Variants in EPHA3 observed in about 807,000 individuals in gnomAD.
EPHA3 encodes the protein EPH receptor A3, also known as ephrin type-A receptor 3.
EPHA3 carries 42 observed loss-of-function variants against 107.1 expected under a neutral mutation model. The observed-to-expected ratio is 0.39, with a 90% CI of 0.31 to 0.51. The LOEUF is 0.51. Among genes scored for constraint, EPHA3 ranks in the 20% least tolerant of loss-of-function variants. EPHA3 has a pLI of 0.78. For missense variants in EPHA3, 1,183 were observed against 1,211.2 expected, an observed-to-expected ratio of 0.98 and a Z score of 0.35; for synonymous variants, 461 against 424.8, an observed-to-expected ratio of 1.09 and a Z score of -1.05.
In EPHA3 at chr3:89,371,743, A is replaced by C. The variant is rs1165953869; in HGVS notation, c.1307-24094A>C. Among the ~76,000 whole-genome samples the C allele has an allele frequency of 5.3e-5, 8 of 150,070 alleles. No homozygotes were observed. The South Asian group carries it at 8.4e-4, about 16-fold the overall frequency. ...ACATACACACACACACACACACACA[A>C]CACACACACACATATGTGTATGACT... On this transcript the variant is annotated intron_variant, in intron 5 of 16. Coordinates refer to ENST00000336596, the MANE Select transcript of EPHA3 (RefSeq NM_005233.6).
intron 3 of EPHA3, among the ~76,000 whole-genome samples, chr3:89,217,204 T>A (rs931715023): frequency 6.6e-6 from 1 of 152,162 alleles, no homozygotes; most frequent in Non-Finnish European, 1.5e-5. Flanking sequence ...TAAAGAAGTA[T>A]AAGTGTTGAT....
rs758307339 is a variant in EPHA3 at position 89,391,421 on chromosome 3, C to CTTT, written c.1307-4401_1307-4399dup. Among the ~76,000 whole-genome samples, 619 of 115,974 alleles carry CTTT rather than the reference C, an allele frequency of 5.3e-3. 34 individuals are homozygous for CTTT. Among genetic ancestry groups the CTTT allele is most frequent in the African/African-American group, 0.02 (579 of 28,514 alleles). 76.1% of individuals were successfully genotyped at this position (115,974 alleles called of 152,430 possible). On this transcript the variant is annotated intron_variant, in intron 5 of 16. Coordinates refer to ENST00000336596, the MANE Select transcript of EPHA3 (RefSeq NM_005233.6). The stretch of plus-strand genomic sequence containing the variant: ...TCTTTTCTTTTCTTTTCTTTCTTTT[C>CTTT]TTTTTTTTTTTTTTTTTGAGATGGA...
At chr3:89,346,038 T>C (rs1457495889) in intron 5 of EPHA3, among the ~76,000 whole-genome samples, 2 of 140,306 alleles carry the variant, frequency 1.4e-5, no homozygotes, top group African/African-American at 2.7e-5. Context: ...TTGGGTTGGT[T>C]CCAAGTCTTT....
Position 89,289,429 on chromosome 3 carries a change from G to GA in EPHA3, c.815-51479dup, listed in dbSNP as rs1270844308. Among the ~76,000 whole-genome samples the GA allele has an allele frequency of 5.9e-5, 9 of 151,546 alleles. No individual in the cohort carries two copies. In the East Asian group the frequency reaches 9.7e-4, roughly 16 times the overall value. On this transcript the variant is annotated intron_variant, in intron 3 of 16. Coordinates refer to ENST00000336596, the MANE Select transcript of EPHA3 (RefSeq NM_005233.6). ...ACTCCTGGGGGTGTTCTATGAAAAT[G>GA]AAAAAAAATTATATGTAGTATATTA...
intron 2 of EPHA3, among the ~76,000 whole-genome samples, chr3:89,147,694 A>T (rs1429436743): frequency 6.6e-6 from 1 of 151,952 alleles, no homozygotes; most frequent in Non-Finnish European, 1.5e-5. Flanking sequence ...CTGTATTTAC[A>T]TTTAACCTGA....
chr3:89,208,486 A>AAGAAAG (rs765304080), intron 2 of EPHA3, among the ~76,000 whole-genome samples: 1 of 125,840 alleles, frequency 7.9e-6, no homozygotes, highest in African/African-American at 3.0e-5. Flanking sequence ...AAGAAAGAGA[A>AAGAAAG]AAAGAAAGGA....
At chr3:89,380,566 T>G (rs115316867) in intron 5 of EPHA3, among the ~76,000 whole-genome samples, 2,430 of 152,228 alleles carry the variant, frequency 0.016, 67 homozygotes, top group African/African-American at 0.055. Context: ...TAAACAACAT[T>G]GTTTATTTTG....
chr3:89,198,934 C>A (rs190318157), intron 2 of EPHA3, among the ~76,000 whole-genome samples: 2,125 of 152,214 alleles, frequency 0.014, 40 homozygotes, highest in African/African-American at 0.045. Context: ...ACAAGTTAAG[C>A]CAATGTGCAT....
intron 3 of EPHA3, among the ~76,000 whole-genome samples, chr3:89,274,492 A>G (rs1705757467): frequency 6.6e-6 from 1 of 152,004 alleles, no homozygotes. Context: ...ACTTTGTCTA[A>G]TGATCTGTGT....
At chr3:89,208,355 A>G (rs1335155682) in intron 2 of EPHA3, among the ~76,000 whole-genome samples, 2 of 136,518 alleles carry the variant, frequency 1.5e-5, no homozygotes, top group Non-Finnish European at 3.1e-5. Flanking sequence ...GGGCGACAGG[A>G]GCAAGACTCT....
At chr3:89,448,368 G>A (rs1709920418) in intron 13 of EPHA3, among the ~76,000 whole-genome samples, 2 of 152,082 alleles carry the variant, frequency 1.3e-5, no homozygotes, top group Admixed American at 6.6e-5. Context: ...TATTACTCCT[G>A]TTTGCCTGAC....
chr3:89,124,205 G>T (rs576319431), intron 1 of EPHA3, among the ~76,000 whole-genome samples: 3 of 152,172 alleles, frequency 2.0e-5, no homozygotes, highest in Non-Finnish European at 4.4e-5. Flanking sequence ...TTAGAGAGGG[G>T]ACAGCATTAT....
At chr3:89,467,530 T>G (rs1188172931) in intron 15 of EPHA3, among the ~76,000 whole-genome samples, 2 of 152,168 alleles carry the variant, frequency 1.3e-5, no homozygotes, top group Admixed American at 6.5e-5. Context: ...TAACTAGAGA[T>G]TCAGAATTCT....
intron 14 of EPHA3, 53 bp downstream of exon 14, chr3:89,449,427 G>T: frequency 3.5e-6 from 5 of 1,444,510 alleles, no homozygotes; most frequent in Non-Finnish European, 4.6e-6. Context: ...ATCAAGCTGT[G>T]CAAGGAAGTG....
At chr3:89,373,741 AT>A (rs199878313) in intron 5 of EPHA3, among the ~76,000 whole-genome samples, 1,659 of 151,972 alleles carry the variant, frequency 0.011, 27 homozygotes, top group African/African-American at 0.038. Flanking sequence ...GGAAAGATCT[AT>A]TCAGAGATGT....
intron 3 of EPHA3, among the ~76,000 whole-genome samples, chr3:89,227,518 G>T (rs1704529507): frequency 1.3e-5 from 2 of 151,932 alleles, no homozygotes; most frequent in South Asian, 4.1e-4. Context: ...ATTTAAGTCG[G>T]TGTTTAACAC....
intron 2 of EPHA3, among the ~76,000 whole-genome samples, chr3:89,189,960 G>A (rs941662842): frequency 2.0e-5 from 3 of 152,150 alleles, no homozygotes; most frequent in South Asian, 2.1e-4. Flanking sequence ...TCATTTGGAA[G>A]TATAATTTCA....
intron 2 of EPHA3, among the ~76,000 whole-genome samples, chr3:89,199,168 A>AT (rs1003131952): frequency 3.7e-4 from 57 of 152,148 alleles, no homozygotes; most frequent in Admixed American, 1.2e-3. Flanking sequence ...TCAACAGTGT[A>AT]TTTTTTTCTT....
Position 89,350,866 on chromosome 3 carries a change from A to G in EPHA3, c.1306+8776A>G, listed in dbSNP as rs769305278. Among the ~76,000 whole-genome samples, 863 of 151,028 alleles carry G rather than the reference A, an allele frequency of 5.7e-3. 27 individuals are homozygous for G. The highest frequency in any genetic ancestry group is 8.5e-3 in the Non-Finnish European group (573 of 67,402). The stretch of plus-strand genomic sequence containing the variant: ...GACCCTCAGCTGCAGGTCTGTTGGA[A>G]TACCCTGCCTTGTGAGGTGTCAGTG... On this transcript the variant is annotated intron_variant, in intron 5 of 16. Transcript: ENST00000336596.
Sources: allele counts gnomAD v4.1 joint callset (sites outside exome capture counted in the v4.1 genomes callset), GRCh38; gene constraint gnomAD v4.1.1; transcripts MANE v1.5; gene names NCBI Gene and HGNC (gene_info 2026-07-23, HGNC 2026-07-21).